Variants in KCMF1 observed in about 807,000 individuals in gnomAD.
KCMF1 encodes E3 ubiquitin-protein ligase KCMF1.
Under a neutral mutation model 41.1 loss-of-function variants are expected in KCMF1, and 3 were observed. The ratio of observed to expected loss-of-function variants is 0.07; its 90% CI spans 0.03 to 0.19. The LOEUF (loss-of-function observed/expected upper bound fraction) is 0.19, where lower values mean the gene tolerates loss of function less well. KCMF1 is among the 10% of genes least tolerant of loss of function. KCMF1 has a pLI of 1.00. For synonymous variants in KCMF1, 142 were observed against 164.5 expected (o/e 0.86, Z 1.04); for missense variants, 286 against 488.9 (o/e 0.58, Z 3.91).
intron 1 of KCMF1, among the ~76,000 whole-genome samples, chr2:84,981,835 G>GT: frequency 6.6e-6 from 1 of 152,036 alleles, no homozygotes; most frequent in East Asian, 1.9e-4. Context: ...CTGGAGTTCA[G>GT]TACCGCAGTA....
chr2:85,024,987 G>A (rs1340904808), intron 1 of KCMF1, among the ~76,000 whole-genome samples: 3 of 151,986 alleles, frequency 2.0e-5, no homozygotes, highest in Non-Finnish European at 4.4e-5. Flanking sequence ...ATTTGTTATG[G>A]TGTTACTTAT....
chr2:84,999,880 A>G (rs1301784981), intron 1 of KCMF1, among the ~76,000 whole-genome samples: 1 of 152,160 alleles, frequency 6.6e-6, no homozygotes, highest in African/African-American at 2.4e-5. Flanking sequence ...AAGTGAGGAA[A>G]TCTCACAGAA....
At chr2:85,030,983 C>T (rs1027289044) in intron 2 of KCMF1, among the ~76,000 whole-genome samples, 1 of 152,240 alleles carries the variant, frequency 6.6e-6, no homozygotes, top group Non-Finnish European at 1.5e-5. Context: ...CAGGCGTGAG[C>T]CACCATGCCA....
chr2:85,027,572 A>T lies in KCMF1; in HGVS notation c.17-317A>T, dbSNP rs746003438. Among the ~76,000 whole-genome samples, 155 of 151,920 alleles carry T rather than the reference A, an allele frequency of 1.0e-3. 3 individuals carry two copies. Among genetic ancestry groups the T allele is most frequent in the Admixed American group, 8.1e-3 (123 of 15,230 alleles). On this transcript the variant is annotated intron_variant, in intron 1 of 6. Coordinates refer to ENST00000409785, the MANE Select transcript of KCMF1 (RefSeq NM_020122.5). ...GCATTTTTAGTAGAGACGGGGTTTC[A>T]ACATGTTGACCAGGCTGGTCTTGGA... is the stretch of plus-strand genomic sequence containing the variant.
chr2:85,026,527 G>T (rs910710170), intron 1 of KCMF1, among the ~76,000 whole-genome samples: 6 of 149,278 alleles, frequency 4.0e-5, no homozygotes, highest in African/African-American at 9.9e-5. Context: ...GTCTTGTTCT[G>T]TTCCCAAGCT....
At chr2:85,007,294 A>G (rs1674497255) in intron 1 of KCMF1, among the ~76,000 whole-genome samples, 1 of 152,204 alleles carries the variant, frequency 6.6e-6, no homozygotes, top group African/African-American at 2.4e-5. Flanking sequence ...ATGTGAGGAA[A>G]GAGCAGTTTG....
At chr2:85,038,382 C>T (rs976367800) in intron 3 of KCMF1, among the ~76,000 whole-genome samples, 27 of 152,246 alleles carry the variant, frequency 1.8e-4, no homozygotes, top group South Asian at 6.2e-4. Context: ...ACAAGCTAGA[C>T]GGTTCTACAA....
At chr2:85,010,888 A>C (rs1419307954) in intron 1 of KCMF1, among the ~76,000 whole-genome samples, 1 of 151,342 alleles carries the variant, frequency 6.6e-6, no homozygotes, top group Non-Finnish European at 1.5e-5. Context: ...TGTGTCATCA[A>C]GCTGGAGTGC....
intron 1 of KCMF1, among the ~76,000 whole-genome samples, chr2:85,009,607 G>C (rs1350213825): frequency 6.6e-6 from 1 of 152,140 alleles, no homozygotes; most frequent in African/African-American, 2.4e-5. Context: ...GAAGCTTCTA[G>C]AGTAGGGTTC....
intron 2 of KCMF1, among the ~76,000 whole-genome samples, chr2:85,031,929 G>C (rs958459264): frequency 1.3e-5 from 2 of 152,088 alleles, no homozygotes; most frequent in African/African-American, 4.8e-5. Context: ...TTGTAGAGGT[G>C]AAGTCTTGTT....
intron 1 of KCMF1, among the ~76,000 whole-genome samples, chr2:84,995,750 A>G (rs558694069): frequency 1.3e-5 from 2 of 152,360 alleles, no homozygotes; most frequent in Admixed American, 1.3e-4. Context: ...CAGGAGTTCA[A>G]AACAAGCGTG....
At chr2:85,018,303 G>A (rs1574027525) in intron 1 of KCMF1, among the ~76,000 whole-genome samples, 2 of 127,534 alleles carry the variant, frequency 1.6e-5, no homozygotes, top group Admixed American at 1.0e-4. Context: ...ACGGAGTCCC[G>A]CTCTGTCACC....
At chr2:85,002,327 C>T (rs753328071) in intron 1 of KCMF1, among the ~76,000 whole-genome samples, 6 of 152,142 alleles carry the variant, frequency 3.9e-5, no homozygotes, top group Admixed American at 2.0e-4. Flanking sequence ...TAATCTTTGA[C>T]CATAACGCAT....
chr2:85,001,100 A>T (rs1674316139), intron 1 of KCMF1, among the ~76,000 whole-genome samples: 1 of 150,878 alleles, frequency 6.6e-6, no homozygotes, highest in African/African-American at 2.4e-5. Flanking sequence ...TGCTGGAATT[A>T]CAGGTGTGAG....
chr2:85,012,219 C>T (rs181730862), intron 1 of KCMF1, among the ~76,000 whole-genome samples: 1 of 152,068 alleles, frequency 6.6e-6, no homozygotes, highest in African/African-American at 2.4e-5. Context: ...AGAGTCAACT[C>T]CTGATAAAGT....
chr2:85,015,188 A>G (rs1246720436), intron 1 of KCMF1, among the ~76,000 whole-genome samples: 1 of 150,450 alleles, frequency 6.6e-6, no homozygotes, highest in Admixed American at 6.6e-5. Flanking sequence ...TCTGTTATAG[A>G]CACACATTAA....
At chr2:84,995,212 G>A (rs1674147742) in intron 1 of KCMF1, among the ~76,000 whole-genome samples, 1 of 151,946 alleles carries the variant, frequency 6.6e-6, no homozygotes, top group African/African-American at 2.4e-5. Flanking sequence ...AGTGGAGACG[G>A]GGTTTCACCA....
chr2:85,038,344 A>C (rs1426305119), intron 3 of KCMF1, among the ~76,000 whole-genome samples: 1 of 152,216 alleles, frequency 6.6e-6, no homozygotes, highest in Non-Finnish European at 1.5e-5. Context: ...TTATATTGGC[A>C]AAATGGATGG....
At chr2:84,989,245 A>G (rs753522674) in intron 1 of KCMF1, among the ~76,000 whole-genome samples, 1 of 152,200 alleles carries the variant, frequency 6.6e-6, no homozygotes, top group Non-Finnish European at 1.5e-5. Flanking sequence ...ACTGTAATAA[A>G]TTTATATTTA....
Sources: gnomAD v4.1 joint callset for allele counts (sites outside exome capture counted in the v4.1 genomes callset) on GRCh38, gnomAD v4.1.1 for gene constraint, MANE v1.5 for transcripts, NCBI Gene and HGNC (gene_info 2026-07-23, HGNC 2026-07-21) for gene names.